The following SLC25A19 variants were observed in gnomAD, a reference collection of about 807,000 sequenced individuals.
SLC25A19 encodes the protein solute carrier family 25 member 19.
SLC25A19 carries 18 observed loss-of-function variants against 27.9 expected under a neutral mutation model. The ratio of observed to expected loss-of-function variants is 0.64; its 90% CI spans 0.45 to 0.96. The LOEUF is 0.96. Among genes scored for constraint, SLC25A19 ranks in the 40% least tolerant of loss-of-function variants. The probability of loss-of-function intolerance (pLI) is 0.00; values close to 1 mark genes in which losing one functional copy is unlikely to be tolerated. For synonymous variants in SLC25A19, 169 were observed against 167.1 expected (o/e 1.01, Z -0.09); for missense variants, 371 against 418.3 (o/e 0.89, Z 0.99).
At chr17:75,279,649 T>C (rs146006261) in intron 5 of SLC25A19, among the ~76,000 whole-genome samples, 3,989 of 151,868 alleles carry the variant, frequency 0.026, 62 homozygotes, top group Non-Finnish European at 0.041. Context: ...GCTGTGATTA[T>C]AGGCACCTGA....
Position 75,273,495 on chromosome 17 carries a change from A to G in SLC25A19, c.919T>C (p.Cys307Arg). ...CTGTTCATGCAGTGGAAGACATTAC[A>G]GAAGAATTCATACGAGAAGAACATG... ...GFMFFSYEFF[C>R]NVFHCMNRTA... Residue 307 changes from cysteine (C) to arginine (R), a missense_variant, in exon 8 of 8, where the codon TGT (cysteine) becomes CGT (arginine). Cys to Arg is a radical substitution (Grantham distance 180, BLOSUM62 -3). Transcript: ENST00000416858. The G allele has an allele frequency of 6.2e-7, 1 of 1,614,164 alleles. No homozygotes were observed. Among genetic ancestry groups the G allele is most frequent in the Non-Finnish European group, 8.5e-7 (1 of 1,180,014 alleles).
chr17:75,276,000 A>G (rs934288567), intron 7 of SLC25A19, among the ~76,000 whole-genome samples: 17 of 148,938 alleles, frequency 1.1e-4, no homozygotes, highest in African/African-American at 4.2e-4. Flanking sequence ...ATGGCTGGGC[A>G]CAGTGGCTCA....
In SLC25A19 at chr17:75,278,224, G is replaced by T. The variant is rs200555825; in HGVS notation, c.571C>A (p.Leu191Met). ...AAGGAGCTGTAGCAAGAGAACTGCA[G>T]CCCGGCGTAGGGGAAGATGGCGATC... The part of the protein sequence containing the change: ...TLIAIFPYAG[L>M]QFSCYSSLKH... Residue 191 changes from leucine to methionine, a missense_variant, in exon 6 of 8, where the codon CTG becomes ATG. Leu to Met is a conservative substitution (Grantham distance 15). Transcript: ENST00000416858. 6.2e-7 allele frequency: 1 copy of T among 1,614,056 alleles called. No individual in the cohort carries two copies. The highest frequency in any genetic ancestry group is 1.3e-5 in the African/African-American group (1 of 75,010).
chr17:75,279,153 C>G (rs932667138), intron 5 of SLC25A19, among the ~76,000 whole-genome samples: 1 of 151,838 alleles, frequency 6.6e-6, no homozygotes, highest in Non-Finnish European at 1.5e-5. Flanking sequence ...CCACTGCACC[C>G]GGCCAAGCAT....
intron 5 of SLC25A19, among the ~76,000 whole-genome samples, chr17:75,278,988 CATAAATAAATAA>C (rs77182978): frequency 0.057 from 8,358 of 146,762 alleles, 281 homozygotes; most frequent in Middle Eastern, 0.13. Context: ...GTCTCAAAAA[CATAAATAAATAA>C]ATAAATAAAT....
At chr17:75,274,957 T>C (rs74442195) in intron 7 of SLC25A19, among the ~76,000 whole-genome samples, 1 of 145,334 alleles carries the variant, frequency 6.9e-6, no homozygotes, top group Non-Finnish European at 1.5e-5. Flanking sequence ...GTAGTGAAAT[T>C]ACAAGGGATT....
At chr17:75,279,740 C>A (rs976302650) in intron 5 of SLC25A19, among the ~76,000 whole-genome samples, 1 of 152,134 alleles carries the variant, frequency 6.6e-6, no homozygotes, top group Non-Finnish European at 1.5e-5. Flanking sequence ...ATCTCCTGAC[C>A]TTGTGATCCG....
chr17:75,275,957 C>T (rs4788879), intron 7 of SLC25A19, among the ~76,000 whole-genome samples: 2 of 150,468 alleles, frequency 1.3e-5, no homozygotes, highest in African/African-American at 2.5e-5. Context: ...GGCAAAAGAG[C>T]GAGACTCCGT....
At position 75,276,145 on chromosome 17, in the gene SLC25A19, C is replaced by T. The variant is rs183942198; in HGVS notation, c.774+1208G>A. On this transcript the variant is annotated intron_variant, in intron 7 of 7. Coordinates refer to ENST00000416858, the MANE Select transcript of SLC25A19 (RefSeq NM_001126121.2). The stretch of plus-strand genomic sequence containing the variant: ...AAAAAATTAGCTGGGCGTGGTGGCA[C>T]GCGCTTGTAATCCCAGCTACTTGGG... Among the ~76,000 whole-genome samples, 527 of 150,138 alleles carry T rather than the reference C, an allele frequency of 3.5e-3. 2 individuals carry two copies. The highest frequency in any genetic ancestry group is 0.012 in the African/African-American group (504 of 40,710).
At chr17:75,280,331 C>T (rs1267230105) in intron 5 of SLC25A19, among the ~76,000 whole-genome samples, 1 of 151,216 alleles carries the variant, frequency 6.6e-6, no homozygotes, top group African/African-American at 2.4e-5. Context: ...TAATCATACC[C>T]CTATACTTCA....
chr17:75,288,457 T>A (rs1295862670), intron 2 of SLC25A19, 45 bp downstream of exon 2: 1 of 152,086 alleles, frequency 6.6e-6, no homozygotes, highest in Non-Finnish European at 1.5e-5. Context: ...AGATGTACTT[T>A]TTTCCTTTTT....
At chr17:75,279,959 G>A (rs1184267901) in intron 5 of SLC25A19, among the ~76,000 whole-genome samples, 1 of 152,072 alleles carries the variant, frequency 6.6e-6, no homozygotes, top group Non-Finnish European at 1.5e-5. Context: ...ACCATGCCTG[G>A]CTAATTTTTT....
At chr17:75,282,969 A>AC (rs2078078502) in intron 5 of SLC25A19, among the ~76,000 whole-genome samples, 1 of 145,226 alleles carries the variant, frequency 6.9e-6, no homozygotes, top group African/African-American at 2.6e-5. Flanking sequence ...CAGCCTGGCA[A>AC]CAGAGCGAGA....
At chr17:75,277,037 TC>T (rs1216850597) in intron 7 of SLC25A19, among the ~76,000 whole-genome samples, 2 of 147,532 alleles carry the variant, frequency 1.4e-5, no homozygotes, top group African/African-American at 5.0e-5. Context: ...ACACCTGTAA[TC>T]CCAGCACTTT....
chr17:75,278,670 A>G (rs531957234), intron 5 of SLC25A19, among the ~76,000 whole-genome samples: 1 of 152,198 alleles, frequency 6.6e-6, no homozygotes, highest in African/African-American at 2.4e-5. Flanking sequence ...CTCACGAGAG[A>G]ATAGTGCAGC....
rs1208000399 is a variant in SLC25A19 at position 75,273,334 on chromosome 17, AC to A, written c.*116del. ...CCAGCTGGGTGGGTTCAAGGCTGCTACCCCGCTTGGGGCAGCTGGCCTGCAG... is the reference window on the plus strand; with the variant it reads ...CCAGCTGGGTGGGTTCAAGGCTGCTACCCGCTTGGGGCAGCTGGCCTGCAG... On this transcript the variant is annotated 3_prime_UTR_variant, in exon 8 of 8. Transcript: ENST00000416858. 3 of 1,191,290 alleles carry A rather than the reference AC, an allele frequency of 2.5e-6. No homozygotes were observed. The highest frequency in any genetic ancestry group is 4.0e-5 in the Admixed American group (2 of 49,850). 73.8% of individuals were successfully genotyped at this position (1,191,290 alleles called of 1,614,324 possible). A position where few individuals can be genotyped will look rare whatever the true frequency, so the allele number is the denominator to read the frequency against.
In SLC25A19 at chr17:75,273,627, T is replaced by C; in HGVS notation, c.787A>G (p.Lys263Glu). 3 of 1,612,690 alleles carry C rather than the reference T, an allele frequency of 1.9e-6. No homozygotes were observed. The highest frequency in any genetic ancestry group is 4.0e-4 in the Middle Eastern group (2 of 5,006). The change falls in exon 8 of 8, where the codon AAG becomes GAG. Residue 263 changes from lysine to glutamate, a missense_variant. Coordinates refer to ENST00000416858, the MANE Select transcript of SLC25A19 (RefSeq NM_001126121.2). ...RAAFGQVRRY[K>E]GLMDCAKQVL... The stretch of plus-strand genomic sequence containing the variant: ...TGCTTGGCACAGTCCATGAGGCCCT[T>C]GTATCTCCGTACCTGGGGAGAGGAA...
Position 75,276,014 on chromosome 17 carries a change from C to G in SLC25A19, c.774+1339G>C, listed in dbSNP as rs543195228. 2.0e-4 allele frequency among the ~76,000 whole-genome samples: 31 copies of G among 152,038 alleles called. No homozygotes were observed. The East Asian group carries it at 3.7e-3, about 18-fold the overall frequency. ...TATGGCTGGGCACAGTGGCTCATGC[C>G]TGTAATCCCAGCACTTTGGGAGGCC... On this transcript the variant is annotated intron_variant, in intron 7 of 7. Coordinates refer to ENST00000416858, the MANE Select transcript of SLC25A19 (RefSeq NM_001126121.2).
intron 5 of SLC25A19, among the ~76,000 whole-genome samples, chr17:75,280,853 C>T (rs1463742557): frequency 2.7e-5 from 4 of 150,736 alleles, no homozygotes; most frequent in African/African-American, 9.8e-5. Flanking sequence ...GCATGAGAAT[C>T]ACTTGAATCT....
Sources: allele counts gnomAD v4.1 joint callset (sites outside exome capture counted in the v4.1 genomes callset), GRCh38; gene constraint gnomAD v4.1.1; transcripts MANE v1.5; gene names NCBI Gene and HGNC (gene_info 2026-07-23, HGNC 2026-07-21).